Variants in RAB5C observed in about 807,000 individuals in gnomAD.
RAB5C encodes RAB5C, member RAS oncogene family.
Under a neutral mutation model 25.2 loss-of-function variants are expected in RAB5C, and 4 were observed. The ratio of observed to expected loss-of-function variants is 0.16; its 90% CI spans 0.08 to 0.36. The LOEUF (loss-of-function observed/expected upper bound fraction) is 0.36, where lower values mean the gene tolerates loss of function less well. Among genes scored for constraint, RAB5C ranks in the 10% least tolerant of loss-of-function variants. The probability of loss-of-function intolerance (pLI) is 1.00; values close to 1 mark genes in which losing one functional copy is unlikely to be tolerated. For synonymous variants in RAB5C, 100 were observed against 106.4 expected (o/e 0.94, Z 0.37); for missense variants, 199 against 283.8 (o/e 0.70, Z 2.15).
chr17:42,139,604 C>T (rs763871673), intron 1 of RAB5C, among the ~76,000 whole-genome samples: 2 of 152,198 alleles, frequency 1.3e-5, no homozygotes, highest in Non-Finnish European at 2.9e-5. Flanking sequence ...GGACTACATA[C>T]GCGTGCCACC....
chr17:42,141,586 C>T (rs889921308), intron 1 of RAB5C, among the ~76,000 whole-genome samples: 1 of 152,152 alleles, frequency 6.6e-6, no homozygotes, highest in Non-Finnish European at 1.5e-5. Context: ...GAGGAGCTGC[C>T]TCACTTCCCC....
At chr17:42,126,564 G>A (rs914926288) in intron 5 of RAB5C, 191 bp downstream of exon 5, 5 of 333,498 alleles carry the variant, frequency 1.5e-5, no homozygotes, top group Non-Finnish European at 2.8e-5. Context: ...CCTGGGGGGC[G>A]GAGCTTGCAG....
intron 1 of RAB5C, among the ~76,000 whole-genome samples, chr17:42,133,045 G>C (rs1207372211): frequency 6.6e-6 from 1 of 152,176 alleles, no homozygotes; most frequent in African/African-American, 2.4e-5. Flanking sequence ...CAACTTTGCT[G>C]GTCCAGGAAG....
intron 1 of RAB5C, among the ~76,000 whole-genome samples, chr17:42,134,919 G>A (rs931900681): frequency 3.9e-5 from 6 of 152,166 alleles, no homozygotes; most frequent in African/African-American, 7.2e-5. Flanking sequence ...TCCCTGCTCC[G>A]GGGTTCCCTC....
intron 3 of RAB5C, 30 bp from the exon 4 acceptor site, chr17:42,128,413 G>A (rs2054450618): frequency 1.2e-6 from 2 of 1,600,762 alleles, no homozygotes; most frequent in Non-Finnish European, 1.7e-6. Flanking sequence ...ATGTCGAAGG[G>A]ACAGAGAAGG....
At chr17:42,128,143 G>A in intron 4 of RAB5C, 118 bp downstream of exon 4, 2 of 1,415,888 alleles carry the variant, frequency 1.4e-6, no homozygotes, top group Non-Finnish European at 1.9e-6. Flanking sequence ...GAGGACAGCA[G>A]ATGGAAGCTT....
chr17:42,151,193 T>C (rs1170227733), intron 1 of RAB5C, among the ~76,000 whole-genome samples: 3 of 152,006 alleles, frequency 2.0e-5, no homozygotes, highest in Admixed American at 6.6e-5. Flanking sequence ...TCCCAGCACT[T>C]TGGGAGGCCA....
At chr17:42,145,519 C>T (rs952825562) in intron 1 of RAB5C, among the ~76,000 whole-genome samples, 1 of 152,246 alleles carries the variant, frequency 6.6e-6, no homozygotes, top group Non-Finnish European at 1.5e-5. Context: ...CACAGCCAGG[C>T]GTGTTAGCTC....
At chr17:42,140,231 A>C (rs1193793726) in intron 1 of RAB5C, among the ~76,000 whole-genome samples, 2 of 152,058 alleles carry the variant, frequency 1.3e-5, no homozygotes, top group African/African-American at 2.4e-5. Flanking sequence ...AAATAACAGA[A>C]AACAAAAGAA....
Position 42,139,069 on chromosome 17 carries a change from G to A in RAB5C, c.-88-8479C>T, listed in dbSNP as rs571196068. ...GATGGGTTCTCTGGAGAGGCTCAGA[G>A]AGGAGCAGTCAGGGCTGGATGGAAA... On this transcript the variant is annotated intron_variant, in intron 1 of 5. Coordinates refer to ENST00000346213, the MANE Select transcript of RAB5C (RefSeq NM_004583.4). 9.8e-5 allele frequency among the ~76,000 whole-genome samples: 15 copies of A among 152,358 alleles called. No homozygotes were observed. The South Asian group carries it at 2.7e-3, about 27-fold the overall frequency.
intron 1 of RAB5C, among the ~76,000 whole-genome samples, chr17:42,144,543 G>C (rs543148789): frequency 1.3e-4 from 20 of 152,216 alleles, no homozygotes; most frequent in African/African-American, 4.3e-4. Context: ...GCTGGGCGCG[G>C]TGGCTCACGC....
chr17:42,137,515 T>C (rs945970415), intron 1 of RAB5C, among the ~76,000 whole-genome samples: 1 of 152,204 alleles, frequency 6.6e-6, no homozygotes, highest in Non-Finnish European at 1.5e-5. Flanking sequence ...AAGTTAAAGC[T>C]TGGAAACGAT....
At chr17:42,142,221 G>A (rs911000949) in intron 1 of RAB5C, among the ~76,000 whole-genome samples, 1 of 149,048 alleles carries the variant, frequency 6.7e-6, no homozygotes, top group Non-Finnish European at 1.5e-5. Context: ...TTTTGGTAGA[G>A]ATGGGGTTTC....
rs138647989 is a variant in RAB5C, at chr17:42,148,527, C to T, written c.-89+6366G>A. On this transcript the variant is annotated intron_variant, in intron 1 of 5. Transcript: ENST00000346213. ...GGAGCCTACTATGCTGAGTGCCATGCCAGGTCCTAAACACACAAAGATCAA... is the reference window on the plus strand; with the variant it reads ...GGAGCCTACTATGCTGAGTGCCATGTCAGGTCCTAAACACACAAAGATCAA... Among the ~76,000 whole-genome samples, 283 of 152,124 alleles carry T rather than the reference C, an allele frequency of 1.9e-3. 1 individual carries two copies. The highest frequency in any genetic ancestry group is 0.014 in the Middle Eastern group (4 of 294).
At chr17:42,140,509 ATATATATTTTTTTTTTTTTTT>A (rs1456412183) in intron 1 of RAB5C, among the ~76,000 whole-genome samples, 45 of 36,208 alleles carry the variant, frequency 1.2e-3, no homozygotes, top group African/African-American at 0.012. Flanking sequence ...ATATATATAT[ATATATATTTTTTTTTTTTTTT>A]TTTTTTTTTT....
chr17:42,141,840 T>C (rs558156528), intron 1 of RAB5C, among the ~76,000 whole-genome samples: 6 of 152,262 alleles, frequency 3.9e-5, no homozygotes, highest in African/African-American at 1.2e-4. Context: ...ATTCAGTACA[T>C]GTTCTGTAGC....
At chr17:42,151,943 T>C (rs954136638) in intron 1 of RAB5C, among the ~76,000 whole-genome samples, 3 of 152,146 alleles carry the variant, frequency 2.0e-5, no homozygotes, top group Non-Finnish European at 4.4e-5. Context: ...TCAGTCTGCA[T>C]GTTCATTCAT....
chr17:42,140,534 T>A (rs2054587661), intron 1 of RAB5C, among the ~76,000 whole-genome samples: 1 of 119,738 alleles, frequency 8.4e-6, no homozygotes, highest in African/African-American at 3.3e-5. Context: ...TTTTTTTTTT[T>A]TTTTTTTGAG....
At chr17:42,130,003 A>C (rs2054468472) in intron 2 of RAB5C, among the ~76,000 whole-genome samples, 1 of 152,186 alleles carries the variant, frequency 6.6e-6, no homozygotes, top group Admixed American at 6.5e-5. Flanking sequence ...CATTATAGTA[A>C]GAAGGGGCCT....
Sources: allele counts gnomAD v4.1 joint callset (sites outside exome capture counted in the v4.1 genomes callset), GRCh38; gene constraint gnomAD v4.1.1; transcripts MANE v1.5; gene names NCBI Gene and HGNC (gene_info 2026-07-23, HGNC 2026-07-21).